Variants in SRPK2 observed in about 807,000 individuals in gnomAD.
SRPK2 encodes SFRS protein kinase 2.
SRPK2 carries 21 observed loss-of-function variants against 90.8 expected under a neutral mutation model. That is an observed-to-expected ratio of 0.23 (90% CI 0.16 to 0.33). The LOEUF (loss-of-function observed/expected upper bound fraction) is 0.33. SRPK2 is among the 10% of genes least tolerant of loss of function. The pLI, the probability that SRPK2 is intolerant of heterozygous loss-of-function variation, is 1.00. For synonymous variants in SRPK2, 288 were observed against 311.1 expected, an observed-to-expected ratio of 0.93 and a Z score of 0.78; for missense variants, 620 against 869.0, an observed-to-expected ratio of 0.71 and a Z score of 3.60.
chr7:105,249,405 TTTAAG>T lies in SRPK2; in HGVS notation c.72-45625_72-45621del, dbSNP rs553780515. ...AAAATGCTCTGTAAAATGAAAGGCATTTAAGTTATTTCTTCCCTGGCTAGGACACA... is the reference window on the plus strand; with the variant it reads ...AAAATGCTCTGTAAAATGAAAGGCATTTATTTCTTCCCTGGCTAGGACACA... On this transcript the variant is annotated intron_variant, in intron 2 of 15. Transcript: ENST00000393651. Among the ~76,000 whole-genome samples the T allele has an allele frequency of 4.4e-3, 665 of 152,236 alleles. 6 individuals carry two copies. Among genetic ancestry groups the T allele is most frequent in the African/African-American group, 0.015 (622 of 41,532 alleles).
intron 11 of SRPK2, among the ~76,000 whole-genome samples, chr7:105,139,799 C>G (rs1424850911): frequency 1.3e-5 from 2 of 151,968 alleles, no homozygotes; most frequent in Non-Finnish European, 2.9e-5. Context: ...GTAGCCATTT[C>G]TTTCTTTTGA....
At chr7:105,255,003 T>C (rs1339516651) in intron 2 of SRPK2, among the ~76,000 whole-genome samples, 3 of 151,746 alleles carry the variant, frequency 2.0e-5, no homozygotes, top group African/African-American at 4.8e-5. Flanking sequence ...CTGCTTTTTA[T>C]AGATCTTAGA....
At chr7:105,365,690 T>C (rs1288366259) in intron 2 of SRPK2, among the ~76,000 whole-genome samples, 1 of 151,416 alleles carries the variant, frequency 6.6e-6, no homozygotes, top group Non-Finnish European at 1.5e-5. Context: ...TCTCAGCTAC[T>C]CGGGGGACTG....
At chr7:105,376,534 CTTT>C (rs376600508) in intron 2 of SRPK2, among the ~76,000 whole-genome samples, 2 of 142,360 alleles carry the variant, frequency 1.4e-5, no homozygotes, top group Non-Finnish European at 1.5e-5. Flanking sequence ...TCCTTTTTTT[CTTT>C]TTTTTTTTTG....
chr7:105,379,972 G>A (rs997220700), intron 2 of SRPK2, among the ~76,000 whole-genome samples: 11 of 151,962 alleles, frequency 7.2e-5, no homozygotes, highest in Admixed American at 1.3e-4. Context: ...GCAAGACTCC[G>A]TCTCAAAAAA....
Position 105,395,365 on chromosome 7 carries a change from C to CA in SRPK2, n.153+3790dup, listed in dbSNP as rs780058406. On this transcript the variant is annotated intron_variant and non_coding_transcript_variant, in intron 1 of 3. Transcript: ENST00000462282. Reference sequence around the variant, plus strand: ...ATAAATTTAAAAAAAAAACTGAAAGCAAAAAAAATCAACAATCTGTTGGGA... The same window carrying CA: ...ATAAATTTAAAAAAAAAACTGAAAGCAAAAAAAAATCAACAATCTGTTGGGA... 2.3e-4 allele frequency among the ~76,000 whole-genome samples: 35 copies of CA among 151,048 alleles called. No individual in the cohort carries two copies. In the East Asian group the frequency reaches 3.7e-3, roughly 16 times the overall value.
intron 3 of SRPK2, among the ~76,000 whole-genome samples, chr7:105,186,826 G>A (rs1793639362): frequency 6.6e-6 from 1 of 152,202 alleles, no homozygotes; most frequent in Non-Finnish European, 1.5e-5. Flanking sequence ...TTGCCAGGTA[G>A]GAAGTATGAC....
intron 2 of SRPK2, among the ~76,000 whole-genome samples, chr7:105,266,259 T>TA (rs1554488464): frequency 4.6e-5 from 7 of 151,850 alleles, no homozygotes; most frequent in Admixed American, 2.0e-4. Context: ...GTTTTGCTTT[T>TA]CCCATTTTAT....
intron 2 of SRPK2, among the ~76,000 whole-genome samples, chr7:105,248,872 G>T (rs1255589133): frequency 6.6e-6 from 1 of 151,292 alleles, no homozygotes; most frequent in Non-Finnish European, 1.5e-5. Flanking sequence ...CTTGCAATGA[G>T]CCGAGATCGT....
intron 2 of SRPK2, among the ~76,000 whole-genome samples, chr7:105,291,731 G>C: frequency 6.6e-6 from 1 of 151,926 alleles, no homozygotes; most frequent in East Asian, 1.9e-4. Flanking sequence ...TTTTTTTTCA[G>C]GGGGAGGGGG....
intron 2 of SRPK2, among the ~76,000 whole-genome samples, chr7:105,216,963 C>G (rs555510239): frequency 6.6e-6 from 1 of 152,168 alleles, no homozygotes; most frequent in Non-Finnish European, 1.5e-5. Context: ...ACATGGTAGG[C>G]ATTCAATAAA....
chr7:105,163,964 T>C (rs1808116512), intron 6 of SRPK2, among the ~76,000 whole-genome samples: 1 of 152,214 alleles, frequency 6.6e-6, no homozygotes, highest in Admixed American at 6.5e-5. Flanking sequence ...GCCAAAACCA[T>C]TGTTCCCAGA....
At chr7:105,226,957 A>C (rs890425722) in intron 2 of SRPK2, among the ~76,000 whole-genome samples, 1 of 152,108 alleles carries the variant, frequency 6.6e-6, no homozygotes, top group Non-Finnish European at 1.5e-5. Flanking sequence ...ATTCCAAATA[A>C]AGAGAGAGCG....
chr7:105,373,015 G>A (rs888306387), intron 2 of SRPK2, among the ~76,000 whole-genome samples: 1 of 152,138 alleles, frequency 6.6e-6, no homozygotes. Flanking sequence ...CTTGAACCCA[G>A]GAGGCGGAGG....
At chr7:105,335,486 C>T (rs912208374) in intron 2 of SRPK2, among the ~76,000 whole-genome samples, 2 of 151,702 alleles carry the variant, frequency 1.3e-5, no homozygotes, top group Non-Finnish European at 2.9e-5. Context: ...ACAGTGAGAC[C>T]TCATTTCTAC....
intron 3 of SRPK2, among the ~76,000 whole-genome samples, 171 bp from the exon 4 acceptor site, chr7:105,169,436 A>G (rs1170249350): frequency 6.6e-6 from 1 of 152,194 alleles, no homozygotes; most frequent in Non-Finnish European, 1.5e-5. Flanking sequence ...TTCAACAAGA[A>G]AAAGTGTTGG....
downstream of SRPK2, chr7:105,115,598 G>T (rs902804123): frequency 6.6e-6 from 1 of 152,148 alleles, no homozygotes; most frequent in Admixed American, 6.5e-5. Flanking sequence ...TAGTTTTTGT[G>T]CATTCTTTAT....
At chr7:105,241,019 G>T (rs1447669773) in intron 2 of SRPK2, among the ~76,000 whole-genome samples, 1 of 152,140 alleles carries the variant, frequency 6.6e-6, no homozygotes, top group Non-Finnish European at 1.5e-5. Flanking sequence ...GCAAAAAGAT[G>T]TAAGAACTCT....
chr7:105,164,376 A>C (rs1808195897), intron 6 of SRPK2, among the ~76,000 whole-genome samples: 1 of 152,196 alleles, frequency 6.6e-6, no homozygotes, highest in Non-Finnish European at 1.5e-5. Context: ...TCATCAAACG[A>C]GGGCAATTTT....
Sources: allele counts gnomAD v4.1 joint callset (sites outside exome capture counted in the v4.1 genomes callset), GRCh38; gene constraint gnomAD v4.1.1; transcripts MANE v1.5; gene names NCBI Gene and HGNC (gene_info 2026-07-23, HGNC 2026-07-21).